The following DCK variants were observed in gnomAD, a reference collection of about 807,000 sequenced individuals.
The protein encoded by DCK is deoxycytidine kinase.
DCK carries 23 observed loss-of-function variants against 38.3 expected under a neutral mutation model. The observed-to-expected ratio is 0.60, with a 90% CI of 0.43 to 0.85. DCK has a LOEUF of 0.85. Among genes scored for constraint, DCK ranks in the 40% least tolerant of loss-of-function variants. DCK has a pLI of 0.00. For synonymous variants in DCK, 108 were observed against 100.6 expected (o/e 1.07, Z -0.44); for missense variants, 259 against 304.4 (o/e 0.85, Z 1.11).
At chr4:71,021,693 G>A (rs1157016043) in intron 2 of DCK, among the ~76,000 whole-genome samples, 1 of 152,176 alleles carries the variant, frequency 6.6e-6, no homozygotes, top group African/African-American at 2.4e-5. Context: ...TTTTTGCCAA[G>A]AGGGAATATG....
intron 2 of DCK, among the ~76,000 whole-genome samples, chr4:71,013,704 A>G (rs947444571): frequency 2.0e-5 from 3 of 152,206 alleles, no homozygotes; most frequent in Non-Finnish European, 2.9e-5. Context: ...CAGACAAGCA[A>G]ATGCTGAGAG....
chr4:71,003,749 C>G (rs1739869710), intron 2 of DCK, among the ~76,000 whole-genome samples: 1 of 152,196 alleles, frequency 6.6e-6, no homozygotes, highest in South Asian at 2.1e-4. Context: ...ATCGATTCGG[C>G]TATTGATACT....
rs1359519037 is a variant in DCK at position 71,022,386 on chromosome 4, A to G, written c.227A>G (p.Lys76Arg). ...DEFEELTMSQ[K>R]NGGNVLQMMY... is the part of the protein sequence containing the mutation. ...AAATAGGAACTTACAATGTCTCAGA[A>G]AAATGGTGGGAATGTTCTTCAGATG... Residue 76 changes from lysine (K) to arginine (R), a missense_variant, in exon 3 of 7, where the codon AAA becomes AGA. Physicochemically the swap from Lys to Arg is conservative, Grantham distance 26. This residue lies in a region of DCK where 159 missense variants were observed against 159.0 expected (regional missense o/e 1.00). Coordinates refer to ENST00000286648, the MANE Select transcript of DCK (RefSeq NM_000788.3). 15 of 1,528,122 alleles carry G rather than the reference A, an allele frequency of 9.8e-6. No homozygotes were observed. In the East Asian group the frequency reaches 3.6e-4, roughly 37 times the overall value. The allele number at this position is 1,528,122 out of a possible 1,614,324, so 94.7% of individuals were successfully genotyped here.
intron 2 of DCK, among the ~76,000 whole-genome samples, chr4:71,019,841 A>C (rs926179451): frequency 1.3e-5 from 2 of 151,998 alleles, no homozygotes; most frequent in Non-Finnish European, 2.9e-5. Flanking sequence ...AGGCTGAAGT[A>C]CAGTGCATGA....
At chr4:71,005,109 T>C (rs1261859658) in intron 2 of DCK, among the ~76,000 whole-genome samples, 1 of 152,170 alleles carries the variant, frequency 6.6e-6, no homozygotes, top group Non-Finnish European at 1.5e-5. Flanking sequence ...GGCCCTTGTG[T>C]AGGCACCCGA....
intron 2 of DCK, among the ~76,000 whole-genome samples, chr4:71,012,379 G>A (rs915541080): frequency 1.1e-4 from 16 of 152,226 alleles, no homozygotes; most frequent in South Asian, 8.3e-4. Flanking sequence ...AAACCTCTAC[G>A]GACTTAAATG....
In DCK at chr4:71,030,230, C is replaced by G. The variant is rs926703319; in HGVS notation, c.*852C>G. Reference sequence around the variant, plus strand: ...ATGAGACACACTTAACTACTTATCTCTAAACCATCTATGTGAATATTTGTA... The same window carrying G: ...ATGAGACACACTTAACTACTTATCTGTAAACCATCTATGTGAATATTTGTA... On this transcript the variant is annotated 3_prime_UTR_variant, in exon 7 of 7. Transcript: ENST00000286648. The G allele has an allele frequency of 2.6e-5, 4 of 152,710 alleles. No individual in the cohort carries two copies. Among genetic ancestry groups the G allele is most frequent in the Non-Finnish European group, 5.9e-5 (4 of 68,024 alleles). 9.5% of individuals were successfully genotyped at this position (152,710 alleles called of 1,614,324 possible). A position where few individuals can be genotyped will look rare whatever the true frequency, so the allele number is the denominator to read the frequency against.
At chr4:71,017,032 C>T (rs1028435987) in intron 2 of DCK, among the ~76,000 whole-genome samples, 8 of 152,174 alleles carry the variant, frequency 5.3e-5, no homozygotes, top group African/African-American at 1.7e-4. Flanking sequence ...GCAATCTACT[C>T]ATCTGACAAA....
chr4:70,999,352 A>G lies in DCK; in HGVS notation c.207+1170A>G, dbSNP rs550365354. Among the ~76,000 whole-genome samples, 3 of 152,296 alleles carry G rather than the reference A, an allele frequency of 2.0e-5. No homozygotes were observed. The South Asian group carries it at 6.2e-4, about 32-fold the overall frequency. On this transcript the variant is annotated intron_variant, in intron 2 of 6. Transcript: ENST00000286648. ...ATGTCCCTGCAAAGGTTATGAACTC[A>G]TTCTTTTATTATGGCTGCATAGTAT...
chr4:71,004,848 G>C (rs566718829), intron 2 of DCK, among the ~76,000 whole-genome samples: 2 of 152,292 alleles, frequency 1.3e-5, no homozygotes, highest in South Asian at 2.1e-4. Flanking sequence ...TCAGACTGCT[G>C]TGCTGGCAGT....
chr4:71,019,980 G>T lies in DCK; in HGVS notation c.208-2387G>T, dbSNP rs111755859. ...TTTTTATATTTTTGGTAGAGACAGG[G>T]TTTCACCATGTTGGCCAAGCTGGTC... On this transcript the variant is annotated intron_variant, in intron 2 of 6. Transcript: ENST00000286648. 2.0e-5 allele frequency among the ~76,000 whole-genome samples: 3 copies of T among 152,208 alleles called. No individual in the cohort carries two copies. The South Asian group carries it at 6.2e-4, about 32-fold the overall frequency.
At chr4:71,003,697 A>T (rs113581645) in intron 2 of DCK, among the ~76,000 whole-genome samples, 3,519 of 152,056 alleles carry the variant, frequency 0.023, 155 homozygotes, top group African/African-American at 0.081. Flanking sequence ...CTTTATTTTT[A>T]TTAAGTTTTT....
chr4:71,029,192 C>T (rs1274019649), intron 6 of DCK, among the ~76,000 whole-genome samples, 160 bp from the exon 7 acceptor site: 7 of 152,292 alleles, frequency 4.6e-5, no homozygotes, highest in Admixed American at 4.6e-4. Context: ...CTGCGCCCGG[C>T]CTTAACAATA....
intron 1 of DCK, among the ~76,000 whole-genome samples, chr4:70,997,500 T>C (rs571667672): frequency 6.6e-6 from 1 of 152,368 alleles, no homozygotes; most frequent in South Asian, 2.1e-4. Context: ...TCCTGTTTTT[T>C]CTCTGTGTGT....
chr4:70,996,666 A>G (rs1336894994), intron 1 of DCK, among the ~76,000 whole-genome samples: 1 of 152,162 alleles, frequency 6.6e-6, no homozygotes, highest in Non-Finnish European at 1.5e-5. Context: ...TGCGTAAACT[A>G]TTTTGCAATT....
At position 71,022,556 on chromosome 4, in the gene DCK, G is replaced by A. The variant is rs1740456447; in HGVS notation, c.397G>A (p.Asp133Asn). Residue 133 changes from aspartate to asparagine, a missense_variant, in exon 3 of 7, where the codon GAC (aspartate) becomes AAC (asparagine). Coordinates refer to ENST00000286648, the MANE Select transcript of DCK (RefSeq NM_000788.3). The part of the protein sequence containing the change: ...VLFFERSVYS[D>N]RYIFASNLYE... ...ATTTTTTGAACGATCTGTGTATAGT[G>A]ACAGGTATGTATAAATGGCTTGTAC... is the stretch of plus-strand genomic sequence containing the variant. 5.9e-6 allele frequency: 9 copies of A among 1,526,592 alleles called. No homozygotes were observed. The South Asian group carries it at 1.2e-4, about 20-fold the overall frequency. The allele number at this position is 1,526,592 out of a possible 1,614,324, so 94.6% of individuals were successfully genotyped here. A position where few individuals can be genotyped will look rare whatever the true frequency, so the allele number is the denominator to read the frequency against.
At chr4:71,003,788 G>A (rs942624125) in intron 2 of DCK, among the ~76,000 whole-genome samples, 7 of 152,172 alleles carry the variant, frequency 4.6e-5, no homozygotes, top group African/African-American at 1.7e-4. Context: ...TTCTCATGCT[G>A]TGTTTTTCAG....
intron 2 of DCK, among the ~76,000 whole-genome samples, chr4:71,013,882 A>G (rs1277436670): frequency 6.6e-6 from 1 of 152,342 alleles, no homozygotes; most frequent in Non-Finnish European, 1.5e-5. Context: ...TAACATCATA[A>G]TGACAGGATC....
intron 2 of DCK, among the ~76,000 whole-genome samples, chr4:71,015,393 A>G (rs760021912): frequency 6.6e-6 from 1 of 152,242 alleles, no homozygotes; most frequent in Admixed American, 6.5e-5. Flanking sequence ...AAACTATTCC[A>G]ATCAATAGAA....
Sources: gnomAD v4.1 joint callset for allele counts (sites outside exome capture counted in the v4.1 genomes callset) on GRCh38, gnomAD v4.1.1 for gene constraint, gnomAD v4.1.1 regional missense constraint, MANE v1.5 for transcripts, NCBI Gene and HGNC (gene_info 2026-07-23, HGNC 2026-07-21) for gene names.